Variants in LSAMP observed in about 807,000 individuals in gnomAD.
The protein encoded by LSAMP is limbic system-associated membrane protein.
A neutral mutation model predicts 38.6 loss-of-function variants in LSAMP; 7 were observed. The ratio of observed to expected loss-of-function variants is 0.18; its 90% CI spans 0.10 to 0.34. The LOEUF (loss-of-function observed/expected upper bound fraction) is 0.34. Among genes scored for constraint, LSAMP ranks in the 10% least tolerant of loss-of-function variants. The pLI is 1.00. For missense variants in LSAMP, 313 were observed against 420.0 expected (o/e 0.75, Z 2.23); for synonymous variants, 154 against 166.8 (o/e 0.92, Z 0.59).
At chr3:115,998,508 A>G (rs1374179881) in intron 3 of LSAMP, among the ~76,000 whole-genome samples, 4 of 152,050 alleles carry the variant, frequency 2.6e-5, no homozygotes, top group Non-Finnish European at 5.9e-5. Context: ...AGTGGTCACT[A>G]GACCACACTC....
rs898314213 is a variant in LSAMP, at chr3:115,805,093, T to C, written c.*5224A>G. The C allele has an allele frequency of 6.6e-6, 1 of 152,140 alleles. No homozygotes were observed. The highest frequency in any genetic ancestry group is 2.4e-5 in the African/African-American group (1 of 41,410). 9.4% of individuals were successfully genotyped at this position (152,140 alleles called of 1,614,324 possible). On this transcript the variant is annotated 3_prime_UTR_variant, in exon 7 of 7. Transcript: ENST00000490035. The stretch of plus-strand genomic sequence containing the variant: ...TATTTAAATAAGACATCTTAGATGG[T>C]GAGAAAGGAGTAAAAAGAAGATAGC...
intron 1 of LSAMP, among the ~76,000 whole-genome samples, chr3:116,292,060 G>GTATT: frequency 6.6e-6 from 1 of 152,248 alleles, no homozygotes; most frequent in East Asian, 1.9e-4. Flanking sequence ...ACAAGAAACA[G>GTATT]TATTTTTTCA....
intron 1 of LSAMP, among the ~76,000 whole-genome samples, chr3:116,160,623 T>C (rs1253273169): frequency 2.0e-5 from 3 of 152,094 alleles, no homozygotes; most frequent in African/African-American, 7.2e-5. Flanking sequence ...TGACATGCAA[T>C]TTACTCGTAT....
At chr3:116,207,539 G>A (rs940995563) in intron 1 of LSAMP, among the ~76,000 whole-genome samples, 17 of 151,556 alleles carry the variant, frequency 1.1e-4, no homozygotes, top group South Asian at 2.1e-4. Flanking sequence ...GCAGCGGCTG[G>A]TCCCGGTTGT....
chr3:116,064,641 TA>T (rs1296608823), intron 2 of LSAMP, among the ~76,000 whole-genome samples: 1 of 151,784 alleles, frequency 6.6e-6, no homozygotes, highest in Admixed American at 6.6e-5. Flanking sequence ...AAAACAACAA[TA>T]ATACCTAATA....
intron 3 of LSAMP, among the ~76,000 whole-genome samples, chr3:115,900,512 CAAAAAA>C (rs5851983): frequency 2.2e-4 from 16 of 74,364 alleles, no homozygotes; most frequent in African/African-American, 7.8e-4. Flanking sequence ...TGAGACTGTC[CAAAAAA>C]AAAAAAAAAA....
intron 1 of LSAMP, among the ~76,000 whole-genome samples, chr3:116,375,072 G>A (rs374875926): frequency 2.4e-4 from 36 of 152,000 alleles, no homozygotes; most frequent in Non-Finnish European, 3.8e-4. Context: ...CATGAGGAAC[G>A]AATCAGAAAA....
intron 3 of LSAMP, among the ~76,000 whole-genome samples, chr3:115,909,144 G>T (rs2107500991): frequency 6.6e-6 from 1 of 152,216 alleles, no homozygotes; most frequent in African/African-American, 2.4e-5. Context: ...CTTTATTATA[G>T]ATGGTCTTTG....
chr3:116,127,512 A>G (rs1709033272), intron 1 of LSAMP, among the ~76,000 whole-genome samples: 1 of 152,202 alleles, frequency 6.6e-6, no homozygotes, highest in Admixed American at 6.5e-5. Context: ...AATACTATCA[A>G]AGTACATTTG....
intron 1 of LSAMP, among the ~76,000 whole-genome samples, chr3:116,120,067 C>T (rs1211906623): frequency 6.6e-6 from 1 of 152,106 alleles, no homozygotes; most frequent in Non-Finnish European, 1.5e-5. Flanking sequence ...CCAGAAAATA[C>T]ACATTTGTTC....
intron 3 of LSAMP, among the ~76,000 whole-genome samples, chr3:115,977,120 G>C (rs769666246): frequency 6.6e-6 from 1 of 152,054 alleles, no homozygotes; most frequent in African/African-American, 2.4e-5. Context: ...GCTTGAAAGT[G>C]AGAAGATTTA....
At chr3:116,427,978 G>A (rs941399038) in intron 1 of LSAMP, among the ~76,000 whole-genome samples, 20 of 152,118 alleles carry the variant, frequency 1.3e-4, no homozygotes, top group Non-Finnish European at 2.5e-4. Flanking sequence ...ACTCAATTTA[G>A]TCAATGAAAT....
rs1322198481 is a variant in LSAMP, at chr3:115,807,109, T to C, written c.*3208A>G. On this transcript the variant is annotated 3_prime_UTR_variant, in exon 7 of 7. Transcript: ENST00000490035. ...CTTTTCAGTGCGGGGTTTCAAACTT[T>C]GATTACCAAGGGACAAGATTCTTGA... The C allele has an allele frequency of 6.6e-6, 1 of 152,196 alleles. No individual in the cohort carries two copies. The highest frequency in any genetic ancestry group is 1.9e-4 in the East Asian group (1 of 5,198). 9.4% of individuals were successfully genotyped at this position (152,196 alleles called of 1,614,324 possible).
chr3:115,911,930 G>T (rs1448473449), intron 3 of LSAMP, among the ~76,000 whole-genome samples: 1 of 152,134 alleles, frequency 6.6e-6, no homozygotes, highest in Non-Finnish European at 1.5e-5. Context: ...TCCCTAAACG[G>T]CTAGTGATGT....
At chr3:116,363,676 C>CT (rs2048315171) in intron 1 of LSAMP, among the ~76,000 whole-genome samples, 1 of 91,126 alleles carries the variant, frequency 1.1e-5, no homozygotes, top group Non-Finnish European at 2.1e-5. Context: ...ATCAAGTGGG[C>CT]TTCATCCCTG....
At chr3:115,819,502 C>A (rs113002293) in intron 6 of LSAMP, among the ~76,000 whole-genome samples, 43 of 151,918 alleles carry the variant, frequency 2.8e-4, no homozygotes, top group Middle Eastern at 3.5e-3. Flanking sequence ...AATGTGCCTG[C>A]GTTAACCTGT....
intron 1 of LSAMP, among the ~76,000 whole-genome samples, chr3:116,232,365 A>C (rs2046410920): frequency 6.6e-6 from 1 of 152,216 alleles, no homozygotes; most frequent in Non-Finnish European, 1.5e-5. Flanking sequence ...GGATTATAAA[A>C]TTAGATTTCC....
At chr3:116,120,404 AAAG>A (rs546351415) in intron 1 of LSAMP, among the ~76,000 whole-genome samples, 91 of 152,300 alleles carry the variant, frequency 6.0e-4, no homozygotes, top group African/African-American at 2.1e-3. Flanking sequence ...AAAAGGAATG[AAAG>A]AAGGAGGGAG....
intron 3 of LSAMP, among the ~76,000 whole-genome samples, chr3:116,011,491 A>G (rs1426974540): frequency 6.6e-6 from 1 of 152,158 alleles, no homozygotes; most frequent in Non-Finnish European, 1.5e-5. Context: ...TAGGATGATC[A>G]CTTGAATTAG....
Sources: gnomAD v4.1 joint callset for allele counts (sites outside exome capture counted in the v4.1 genomes callset) on GRCh38, gnomAD v4.1.1 for gene constraint, MANE v1.5 for transcripts, NCBI Gene and HGNC (gene_info 2026-07-23, HGNC 2026-07-21) for gene names.